The following MPHOSPH9 variants were observed in gnomAD, a reference collection of about 807,000 sequenced individuals.
The protein encoded by MPHOSPH9 is M-phase phosphoprotein 9.
MPHOSPH9 carries 88 observed loss-of-function variants against 145.5 expected under a neutral mutation model. The observed-to-expected ratio is 0.60, with a 90% CI of 0.51 to 0.72. The LOEUF (loss-of-function observed/expected upper bound fraction) is 0.72. Among genes scored for constraint, MPHOSPH9 ranks in the 30% least tolerant of loss-of-function variants. The pLI is 0.00. For synonymous variants in MPHOSPH9, 435 were observed against 486.2 expected (o/e 0.89, Z 1.39); for missense variants, 1,238 against 1,386.6 (o/e 0.89, Z 1.70).
chr12:123,170,193 A>G (rs1050935583), intron 16 of MPHOSPH9, among the ~76,000 whole-genome samples: 4 of 151,468 alleles, frequency 2.6e-5, no homozygotes, highest in Non-Finnish European at 5.9e-5. Context: ...CCCAGGCTGG[A>G]GTACAGTGGC....
chr12:123,194,774 T>C (rs553104588), intron 12 of MPHOSPH9, among the ~76,000 whole-genome samples, 173 bp from the exon 13 acceptor site: 45 of 151,832 alleles, frequency 3.0e-4, no homozygotes, highest in South Asian at 8.3e-4. Flanking sequence ...GCGCCCACCA[T>C]CACCCCTGGC....
At chr12:123,208,185 TCTC>T (rs2046528422) in intron 8 of MPHOSPH9, among the ~76,000 whole-genome samples, 1 of 93,380 alleles carries the variant, frequency 1.1e-5, no homozygotes, top group African/African-American at 4.2e-5. Flanking sequence ...TGAGACTCCG[TCTC>T]AAAAAAAAAA....
Position 123,179,977 on chromosome 12 carries a change from G to A in MPHOSPH9, c.2303C>T (p.Thr768Ile), listed in dbSNP as rs764687739. ...TGCATCAAGCAATTTGTTCTCAGTTGTATTTAATGCATCCTATGGAAATAA... is the reference window on the plus strand; with the variant it reads ...TGCATCAAGCAATTTGTTCTCAGTTATATTTAATGCATCCTATGGAAATAA... ...EHRRVKDALN[T>I]TENKLLDAYT... is the part of the protein sequence containing the mutation. The change falls in exon 15 of 24, where the codon ACA (threonine) becomes ATA (isoleucine). Residue 768 changes from threonine (T) to isoleucine (I), a missense_variant. Coordinates refer to ENST00000606320, the MANE Select transcript of MPHOSPH9 (RefSeq NM_022782.4). 2 of 1,433,852 alleles carry A rather than the reference G, an allele frequency of 1.4e-6. No individual in the cohort carries two copies. The highest frequency in any genetic ancestry group is 2.7e-5 in the South Asian group (2 of 75,106). The allele number at this position is 1,433,852 out of a possible 1,614,324, so 88.8% of individuals were successfully genotyped here.
At chr12:123,231,138 T>A (rs1203397874) in intron 1 of MPHOSPH9, among the ~76,000 whole-genome samples, 2 of 152,242 alleles carry the variant, frequency 1.3e-5, no homozygotes, top group African/African-American at 4.8e-5. Context: ...GATTTTTATA[T>A]GTTTAATAAT....
intron 17 of MPHOSPH9, 29 bp from the exon 18 acceptor site, chr12:123,165,506 G>A: frequency 6.3e-7 from 1 of 1,588,596 alleles, no homozygotes; most frequent in Non-Finnish European, 8.6e-7. Context: ...GACATACAGT[G>A]CTATGGACTA....
intron 3 of MPHOSPH9, chr12:123,226,472 T>C: frequency 4.1e-6 from 1 of 243,684 alleles, no homozygotes. Context: ...AATCCAGCCT[T>C]AGGAAAGTCT....
chr12:123,187,072 T>G (rs1944237342), intron 13 of MPHOSPH9, among the ~76,000 whole-genome samples: 1 of 152,078 alleles, frequency 6.6e-6, no homozygotes, highest in Non-Finnish European at 1.5e-5. Flanking sequence ...CAGCCATGGC[T>G]AACATGGTGA....
intron 16 of MPHOSPH9, among the ~76,000 whole-genome samples, chr12:123,168,064 C>T (rs924557116): frequency 2.6e-5 from 4 of 152,192 alleles, no homozygotes; most frequent in Non-Finnish European, 4.4e-5. Flanking sequence ...ACGTGACCTA[C>T]GATCCTTGGC....
chr12:123,153,552 G>C (rs185888689), downstream of MPHOSPH9, among the ~76,000 whole-genome samples: 483 of 152,102 alleles, frequency 3.2e-3, 3 homozygotes, highest in African/African-American at 0.011. Context: ...AGATCATTTG[G>C]GGTCAGAAGT....
rs151025515 is a variant in MPHOSPH9 at position 123,218,834 on chromosome 12, A to T, written c.873-335T>A. Among the ~76,000 whole-genome samples the T allele has an allele frequency of 3.1e-3, 478 of 151,996 alleles. 1 individual carries two copies. The highest frequency in any genetic ancestry group is 0.011 in the African/African-American group (463 of 41,430). On this transcript the variant is annotated intron_variant, in intron 5 of 23. Coordinates refer to ENST00000606320, the MANE Select transcript of MPHOSPH9 (RefSeq NM_022782.4). ...CTGGGTTCCAAAATTATTTCTTTAG[A>T]TACTGTACTTCACATATAAAGCTAA...
At chr12:123,172,917 T>C (rs1447771317) in intron 16 of MPHOSPH9, among the ~76,000 whole-genome samples, 1 of 131,234 alleles carries the variant, frequency 7.6e-6, no homozygotes, top group Non-Finnish European at 1.6e-5. Flanking sequence ...AGCGGTGCTC[T>C]GTCACCCAGG....
At chr12:123,203,982 T>C (rs1486510414) in intron 8 of MPHOSPH9, among the ~76,000 whole-genome samples, 1 of 151,752 alleles carries the variant, frequency 6.6e-6, no homozygotes, top group Non-Finnish European at 1.5e-5. Context: ...CCACCACGCC[T>C]AGCCAATAGC....
intron 12 of MPHOSPH9, 99 bp downstream of exon 12, chr12:123,198,148 T>G: frequency 2.2e-6 from 2 of 914,078 alleles, no homozygotes; most frequent in Non-Finnish European, 3.4e-6. Context: ...AAATATAAAC[T>G]TCATAAGCCT....
chr12:123,236,070 TAAATA>T (rs2047845825), upstream of MPHOSPH9, among the ~76,000 whole-genome samples: 1 of 150,740 alleles, frequency 6.6e-6, no homozygotes, highest in African/African-American at 2.4e-5. Context: ...CTCAAAAAAA[TAAATA>T]AATAAAAACT....
chr12:123,152,709 C>G (rs1332536190), downstream of MPHOSPH9: 2 of 404,634 alleles, frequency 4.9e-6, no homozygotes, highest in Non-Finnish European at 9.9e-6. Flanking sequence ...TATTATCAAA[C>G]TACCATAGAG....
chr12:123,165,239 G>A (rs546604918), intron 18 of MPHOSPH9, 63 bp downstream of exon 18: 18 of 1,407,530 alleles, frequency 1.3e-5, no homozygotes, highest in Middle Eastern at 1.9e-4. Context: ...TAATTTTAAC[G>A]AAGGTAATAT....
chr12:123,163,273 C>A, intron 19 of MPHOSPH9, 139 bp from the exon 20 acceptor site: 3 of 935,246 alleles, frequency 3.2e-6, no homozygotes, highest in Non-Finnish European at 4.5e-6. Context: ...TAAGAGTGTA[C>A]AAAAAAATAA....
intron 18 of MPHOSPH9, among the ~76,000 whole-genome samples, chr12:123,164,312 G>A (rs1328275976): frequency 1.3e-5 from 2 of 152,188 alleles, no homozygotes; most frequent in African/African-American, 2.4e-5. Flanking sequence ...AAATATGGGA[G>A]TTTATAATGA....
At chr12:123,173,598 C>A (rs779605160) in intron 16 of MPHOSPH9, among the ~76,000 whole-genome samples, 1 of 139,974 alleles carries the variant, frequency 7.1e-6, no homozygotes, top group African/African-American at 3.4e-5. Context: ...TCAACACAGT[C>A]GTCCAAGCTT....
Sources: allele counts gnomAD v4.1 joint callset (sites outside exome capture counted in the v4.1 genomes callset), GRCh38; gene constraint gnomAD v4.1.1; transcripts MANE v1.5; gene names NCBI Gene and HGNC (gene_info 2026-07-23, HGNC 2026-07-21).